The following DOCK10 variants were observed in gnomAD, a reference collection of about 807,000 sequenced individuals.
DOCK10 encodes the protein dedicator of cytokinesis protein 10.
Under a neutral mutation model 280.1 loss-of-function variants are expected in DOCK10, and 145 were observed. The observed-to-expected ratio is 0.52, with a 90% CI of 0.45 to 0.59. The LOEUF is 0.59. Ranked by LOEUF, DOCK10 falls within the 20% of genes least tolerant of loss-of-function variation. The probability of loss-of-function intolerance (pLI) is 0.00; values close to 1 mark genes in which losing one functional copy is unlikely to be tolerated. For missense variants in DOCK10, 2,368 were observed against 2,651.7 expected, an observed-to-expected ratio of 0.89 and a Z score of 2.35; for synonymous variants, 915 against 942.2, an observed-to-expected ratio of 0.97 and a Z score of 0.53.
chr2:224,877,478 A>ATTCTATTGGAATAGGTTCCTG (rs1559634425), intron 7 of DOCK10, among the ~76,000 whole-genome samples: 2 of 152,074 alleles, frequency 1.3e-5, no homozygotes, highest in African/African-American at 4.8e-5. Context: ...ATAGGTTCCT[A>ATTCTATTGGAATAGGTTCCTG]TTCTATTGGA....
chr2:224,835,413 G>A (rs142382850), intron 25 of DOCK10, among the ~76,000 whole-genome samples: 395 of 152,290 alleles, frequency 2.6e-3, no homozygotes, highest in African/African-American at 9.2e-3. Context: ...CTTTAGACAC[G>A]CATCTTTGAA....
chr2:224,793,496 A>T, intron 45 of DOCK10, 39 bp from the exon 46 acceptor site: 2 of 1,534,034 alleles, frequency 1.3e-6, no homozygotes, highest in Non-Finnish European at 1.8e-6. Flanking sequence ...CAGGGGATGG[A>T]GTTTAATATA....
At chr2:224,987,117 A>G (rs1268395613) in intron 1 of DOCK10, among the ~76,000 whole-genome samples, 1 of 152,126 alleles carries the variant, frequency 6.6e-6, no homozygotes, top group African/African-American at 2.4e-5. Context: ...TTTTTTAGCT[A>G]TCTCTTTCCC....
chr2:224,844,727 C>T (rs1245728581), intron 22 of DOCK10, 26 bp downstream of exon 22: 16 of 1,391,636 alleles, frequency 1.1e-5, no homozygotes, highest in Non-Finnish European at 1.5e-5. Context: ...AGAGAAGATG[C>T]TAGTATTTCA....
chr2:224,853,175 G>C (rs574426041), intron 16 of DOCK10, 53 bp from the exon 17 acceptor site: 1 of 1,419,620 alleles, frequency 7.0e-7, no homozygotes, highest in South Asian at 1.6e-5. Flanking sequence ...CTTTTAAAGT[G>C]AACAATAGTT....
intron 1 of DOCK10, among the ~76,000 whole-genome samples, chr2:225,016,987 T>C (rs1304537482): frequency 6.6e-6 from 1 of 152,154 alleles, no homozygotes; most frequent in Admixed American, 6.5e-5. Context: ...CCTCCCAAAG[T>C]GCTGGGATTA....
intron 4 of DOCK10, among the ~76,000 whole-genome samples, chr2:224,889,479 G>T (rs1296913392): frequency 6.6e-6 from 1 of 152,230 alleles, no homozygotes; most frequent in African/African-American, 2.4e-5. Flanking sequence ...ACTTTCAAGA[G>T]ATGGTATTAG....
chr2:224,915,620 T>C (rs1160055431), intron 3 of DOCK10, among the ~76,000 whole-genome samples: 2 of 152,208 alleles, frequency 1.3e-5, no homozygotes, highest in African/African-American at 4.8e-5. Context: ...GATATTGCTA[T>C]CGTATGCAGC....
intron 3 of DOCK10, among the ~76,000 whole-genome samples, chr2:224,901,393 G>A (rs1700286990): frequency 6.6e-6 from 1 of 152,178 alleles, no homozygotes; most frequent in Non-Finnish European, 1.5e-5. Flanking sequence ...CAAAGGCAAA[G>A]GCTGTGAATA....
chr2:224,855,515 A>G (rs1046616145), intron 15 of DOCK10, among the ~76,000 whole-genome samples: 1 of 152,134 alleles, frequency 6.6e-6, no homozygotes, highest in African/African-American at 2.4e-5. Flanking sequence ...AACAAGGAGG[A>G]CAGGGACCCT....
chr2:224,999,712 G>GTT (rs35668501), intron 1 of DOCK10, among the ~76,000 whole-genome samples: 74,497 of 142,460 alleles, frequency 0.52, 19,935 homozygotes, highest in South Asian at 0.63. Flanking sequence ...CTATAATGGT[G>GTT]TTTTTTTTTT....
At chr2:224,989,357 C>A (rs1706066791) in intron 1 of DOCK10, among the ~76,000 whole-genome samples, 1 of 152,196 alleles carries the variant, frequency 6.6e-6, no homozygotes, top group Non-Finnish European at 1.5e-5. Flanking sequence ...TGTAGCACTG[C>A]CTTTCCATGA....
intron 4 of DOCK10, among the ~76,000 whole-genome samples, chr2:224,895,471 A>G (rs1049312882): frequency 1.3e-5 from 2 of 152,230 alleles, no homozygotes; most frequent in African/African-American, 4.8e-5. Flanking sequence ...AGTTCTTTAA[A>G]TATGAGCAAC....
chr2:224,903,478 T>C (rs953889418), intron 3 of DOCK10, among the ~76,000 whole-genome samples: 3 of 152,226 alleles, frequency 2.0e-5, no homozygotes, highest in Non-Finnish European at 2.9e-5. Flanking sequence ...TTGGTTTCTC[T>C]TTTCAAAATG....
At chr2:224,810,641 C>G (rs1460730356) in intron 31 of DOCK10, among the ~76,000 whole-genome samples, 2 of 111,692 alleles carry the variant, frequency 1.8e-5, no homozygotes, top group Non-Finnish European at 3.5e-5. Context: ...CCCCTCCCCC[C>G]ACCCCACAAC....
chr2:224,837,718 A>G lies in DOCK10; in HGVS notation c.2850+44T>C, dbSNP rs767534622. On this transcript the variant is annotated intron_variant, in intron 25 of 55. Coordinates refer to ENST00000258390, the MANE Select transcript of DOCK10 (RefSeq NM_014689.3). The stretch of plus-strand genomic sequence containing the variant: ...GCAGACAGGAAATGAGACAAGTCAC[A>G]CAGCACAAGGGGATATGAGCAATTT... 9 of 1,531,388 alleles carry G rather than the reference A, an allele frequency of 5.9e-6. No individual in the cohort carries two copies. The African/African-American group carries it at 1.1e-4, about 19-fold the overall frequency. The allele number at this position is 1,531,388 out of a possible 1,614,324, so 94.9% of individuals were successfully genotyped here.
In DOCK10 at chr2:224,880,987, C is replaced by T. The variant is rs186280294; in HGVS notation, c.747+4684G>A. ...TCATTCAGTGAAAATTAAATGGGTA[C>T]CTCCTATGTTTCAGTCACACAGAAC... On this transcript the variant is annotated intron_variant, in intron 7 of 55. Coordinates refer to ENST00000258390, the MANE Select transcript of DOCK10 (RefSeq NM_014689.3). Among the ~76,000 whole-genome samples the T allele has an allele frequency of 1.6e-4, 24 of 152,200 alleles. No homozygotes were observed. In the East Asian group the frequency reaches 1.9e-3, roughly 12 times the overall value.
intron 31 of DOCK10, among the ~76,000 whole-genome samples, chr2:224,810,294 T>C (rs548852334): frequency 6.6e-6 from 1 of 152,170 alleles, no homozygotes; most frequent in South Asian, 2.1e-4. Context: ...GAAGTTAACC[T>C]CATAGAAGCA....
intron 1 of DOCK10, among the ~76,000 whole-genome samples, chr2:225,021,304 G>A (rs1185437597): frequency 6.6e-6 from 1 of 152,118 alleles, no homozygotes; most frequent in African/African-American, 2.4e-5. Context: ...TTAAACAGTG[G>A]GAAAATAATC....
Sources: gnomAD v4.1 joint callset for allele counts (sites outside exome capture counted in the v4.1 genomes callset) on GRCh38, gnomAD v4.1.1 for gene constraint, MANE v1.5 for transcripts, NCBI Gene and HGNC (gene_info 2026-07-23, HGNC 2026-07-21) for gene names.